Variants in BRD10 observed in about 807,000 individuals in gnomAD.
BRD10 encodes the protein bromodomain containing 10.
At chr9:5,969,636 C>T in the BRD10 span, among the ~76,000 whole-genome samples, 90 of 152,228 alleles carry the variant, frequency 5.9e-4, no homozygotes, top group Middle Eastern at 0.017. Context: ...CTCTGCCTCG[C>T]GGGTTCAAGC....
chr9:5,990,169 G>C, the BRD10 span, among the ~76,000 whole-genome samples: 1 of 152,222 alleles, frequency 6.6e-6, no homozygotes, highest in South Asian at 2.1e-4. Flanking sequence ...CTGTATGATA[G>C]CTAATTGGGC....
the BRD10 span, among the ~76,000 whole-genome samples, chr9:5,914,409 G>GTTTTTTTTTTTTTTT: frequency 2.8e-5 from 3 of 106,924 alleles, 1 homozygote; most frequent in Non-Finnish European, 1.8e-5. Context: ...AAATCCAGAT[G>GTTTTTTTTTTTTTTT]GTTTTTTTTT....
At chr9:6,008,087 A>C in the BRD10 span, 3 of 970,540 alleles carry the variant, frequency 3.1e-6, no homozygotes, top group East Asian at 1.2e-4. Context: ...ACCCCTCCGC[A>C]CCCCGCCCGC....
At chr9:5,978,970 G>T in the BRD10 span, among the ~76,000 whole-genome samples, 2 of 152,118 alleles carry the variant, frequency 1.3e-5, no homozygotes, top group African/African-American at 4.8e-5. Context: ...TGTACTATAG[G>T]AAATTACCAA....
the BRD10 span, among the ~76,000 whole-genome samples, chr9:5,961,740 T>G: frequency 2.0e-5 from 3 of 152,128 alleles, no homozygotes; most frequent in Non-Finnish European, 4.4e-5. Flanking sequence ...TGAGTAAAAA[T>G]GAATTCAAAA....
the BRD10 span, chr9:5,909,734 A>G: frequency 6.6e-6 from 1 of 152,154 alleles, no homozygotes; most frequent in Non-Finnish European, 1.5e-5. Flanking sequence ...TACTGCCTTA[A>G]ATGTACCTAT....
At chr9:5,980,611 G>T in the BRD10 span, among the ~76,000 whole-genome samples, 1 of 151,926 alleles carries the variant, frequency 6.6e-6, no homozygotes, top group Admixed American at 6.6e-5. Context: ...TTTAAAGATT[G>T]TAAAAAATTT....
At chr9:6,007,286 A>C in the BRD10 span, 1 of 1,613,890 alleles carries the variant, frequency 6.2e-7, no homozygotes, top group East Asian at 2.2e-5. Context: ...AGGCGGTAGC[A>C]CGTCTCCAGC....
chr9:5,932,570 T>TACA, the BRD10 span, among the ~76,000 whole-genome samples: 2 of 152,206 alleles, frequency 1.3e-5, no homozygotes, highest in African/African-American at 4.8e-5. Flanking sequence ...ATTTAAAGTC[T>TACA]ACAGGAGGAT....
the BRD10 span, among the ~76,000 whole-genome samples, chr9:5,960,566 A>G: frequency 1.3e-5 from 2 of 151,102 alleles, no homozygotes; most frequent in East Asian, 3.9e-4. Context: ...CTGTCTCAAA[A>G]AAAAAAAAAA....
the BRD10 span, among the ~76,000 whole-genome samples, chr9:5,902,671 T>C: frequency 2.0e-5 from 3 of 151,102 alleles, no homozygotes; most frequent in Admixed American, 6.6e-5. Context: ...TAATTTTCTT[T>C]TTTTTTTTTT....
the BRD10 span, chr9:5,921,168 T>G: frequency 5.0e-6 from 8 of 1,613,944 alleles, no homozygotes; most frequent in South Asian, 8.8e-5. Flanking sequence ...CCCTTGCTAC[T>G]TTTGTCTTCT....
At chr9:6,007,540 T>C in the BRD10 span, 1 of 1,613,068 alleles carries the variant, frequency 6.2e-7, no homozygotes, top group Non-Finnish European at 8.5e-7. Flanking sequence ...CAGGATGCGG[T>C]AGCCCTGCTG....
At chr9:5,907,096 T>G in the BRD10 span, 1 of 776,488 alleles carries the variant, frequency 1.3e-6, no homozygotes, top group Non-Finnish European at 2.0e-6. Flanking sequence ...ACAATGTGAA[T>G]GTACTCATTG....
the BRD10 span, among the ~76,000 whole-genome samples, chr9:5,976,130 TG>T: frequency 6.6e-6 from 1 of 152,220 alleles, no homozygotes; most frequent in African/African-American, 2.4e-5. Flanking sequence ...GAAGTTCAGC[TG>T]GGTAAGACTG....
the BRD10 span, among the ~76,000 whole-genome samples, chr9:5,905,016 A>G: frequency 1.3e-5 from 2 of 151,336 alleles, no homozygotes; most frequent in Non-Finnish European, 2.9e-5. Flanking sequence ...CTCGTGATCC[A>G]CACGCCTTGA....
the BRD10 span, among the ~76,000 whole-genome samples, chr9:5,959,588 A>T: frequency 3.9e-5 from 6 of 151,994 alleles, no homozygotes; most frequent in South Asian, 1.2e-3. Flanking sequence ...AAATCCTTTC[A>T]CTCTCTTTAT....
At chr9:5,928,494 CCT>C in the BRD10 span, among the ~76,000 whole-genome samples, 1 of 152,198 alleles carries the variant, frequency 6.6e-6, no homozygotes, top group Non-Finnish European at 1.5e-5. Flanking sequence ...TTCCTCCTTA[CCT>C]CTCTGACTCT....
At chr9:5,970,959 G>A in the BRD10 span, among the ~76,000 whole-genome samples, 1 of 148,764 alleles carries the variant, frequency 6.7e-6, no homozygotes, top group African/African-American at 2.5e-5. Flanking sequence ...GGCTGAGGCA[G>A]GAGAATCGCT....
Sources: allele counts gnomAD v4.1 joint callset (sites outside exome capture counted in the v4.1 genomes callset), GRCh38; gene constraint gnomAD v4.1.1; transcripts MANE v1.5; gene names NCBI Gene and HGNC (gene_info 2026-07-23, HGNC 2026-07-21).